The following FHIP1A variants were observed in gnomAD, a reference collection of about 807,000 sequenced individuals.
The protein encoded by FHIP1A is FHF complex subunit HOOK interacting protein 1A, also known as FHF complex subunit HOOK-interacting protein 1A.
FHIP1A carries 61 observed loss-of-function variants against 88.6 expected under a neutral mutation model. The observed-to-expected ratio is 0.69, with a 90% CI of 0.56 to 0.85. The LOEUF is 0.85. FHIP1A is among the 40% of genes least tolerant of loss of function. FHIP1A has a pLI of 0.00. For synonymous variants in FHIP1A, 478 were observed against 496.0 expected, an observed-to-expected ratio of 0.96 and a Z score of 0.48; for missense variants, 1,154 against 1,273.5, an observed-to-expected ratio of 0.91 and a Z score of 1.43.
intron 3 of FHIP1A, among the ~76,000 whole-genome samples, chr4:151,506,904 C>T (rs1374538315): frequency 6.6e-6 from 1 of 152,168 alleles, no homozygotes; most frequent in Non-Finnish European, 1.5e-5. Context: ...AATTTATTTA[C>T]AAACAACTTT....
chr4:151,445,242 G>T (rs1386061856), intron 1 of FHIP1A, among the ~76,000 whole-genome samples: 1 of 152,052 alleles, frequency 6.6e-6, no homozygotes, highest in Non-Finnish European at 1.5e-5. Flanking sequence ...GATAAATAGG[G>T]TGAGGTCTAG....
intron 3 of FHIP1A, among the ~76,000 whole-genome samples, chr4:151,561,825 A>T (rs1460611813): frequency 2.0e-5 from 3 of 152,132 alleles, no homozygotes; most frequent in Non-Finnish European, 4.4e-5. Flanking sequence ...CTTAAGTCAA[A>T]TATGCCTTAG....
intron 3 of FHIP1A, among the ~76,000 whole-genome samples, chr4:151,495,876 G>A (rs916479927): frequency 1.3e-5 from 2 of 151,974 alleles, no homozygotes; most frequent in African/African-American, 2.4e-5. Flanking sequence ...TCCCGCATTG[G>A]CCACCCAAAG....
chr4:151,588,805 T>G (rs1734314741), intron 6 of FHIP1A, 35 bp from the exon 7 acceptor site: 1 of 1,296,924 alleles, frequency 7.7e-7, no homozygotes, highest in African/African-American at 1.5e-5. Flanking sequence ...GATTGAACTC[T>G]TTGCCTTTTT....
intron 5 of FHIP1A, among the ~76,000 whole-genome samples, chr4:151,585,285 C>T (rs145645174): frequency 1.3e-5 from 2 of 152,158 alleles, no homozygotes; most frequent in Non-Finnish European, 2.9e-5. Flanking sequence ...TCAAGGGATT[C>T]TCTTTTGCCT....
chr4:151,472,008 C>T (rs1380679838), intron 2 of FHIP1A, among the ~76,000 whole-genome samples: 2 of 152,048 alleles, frequency 1.3e-5, no homozygotes, highest in Non-Finnish European at 2.9e-5. Context: ...TCTTTATCTT[C>T]TCATTGATCG....
Position 151,608,148 on chromosome 4 carries a change from G to A in FHIP1A, c.978+19222G>A, listed in dbSNP as rs541505585. Among the ~76,000 whole-genome samples, 8 of 141,514 alleles carry A rather than the reference G, an allele frequency of 5.7e-5. No individual in the cohort carries two copies. The East Asian group carries it at 1.3e-3, about 24-fold the overall frequency. 92.8% of individuals were successfully genotyped at this position (141,514 alleles called of 152,430 possible). A position where few individuals can be genotyped will look rare whatever the true frequency, so the allele number is the denominator to read the frequency against. On this transcript the variant is annotated intron_variant, in intron 7 of 13. Transcript: ENST00000435205. Reference sequence around the variant, plus strand: ...CAACCTCTGCCTCCCAGATTCAAGCGATTCTCCTGCCTCAGCCTCCCAAGT... The same window carrying A: ...CAACCTCTGCCTCCCAGATTCAAGCAATTCTCCTGCCTCAGCCTCCCAAGT...
chr4:151,411,724 T>C (rs535287883), intron 1 of FHIP1A, among the ~76,000 whole-genome samples: 1 of 152,322 alleles, frequency 6.6e-6, no homozygotes, highest in Non-Finnish European at 1.5e-5. Context: ...AAAATTGCTT[T>C]ATTTAATCTG....
chr4:151,572,082 C>T (rs1733623200), intron 4 of FHIP1A, among the ~76,000 whole-genome samples: 1 of 152,210 alleles, frequency 6.6e-6, no homozygotes, highest in Non-Finnish European at 1.5e-5. Flanking sequence ...TGGCACATGC[C>T]TGTAATCCCA....
intron 7 of FHIP1A, among the ~76,000 whole-genome samples, chr4:151,623,738 G>A (rs1735841237): frequency 6.6e-6 from 1 of 152,108 alleles, no homozygotes; most frequent in Admixed American, 6.5e-5. Flanking sequence ...GGTTATAAAG[G>A]TAATAAATGT....
chr4:151,523,627 G>A (rs1490597607), intron 3 of FHIP1A, among the ~76,000 whole-genome samples: 1 of 152,172 alleles, frequency 6.6e-6, no homozygotes, highest in Non-Finnish European at 1.5e-5. Flanking sequence ...TGTGAGCAAA[G>A]CAGATATGGT....
At chr4:151,516,673 T>G (rs1307851659) in intron 3 of FHIP1A, among the ~76,000 whole-genome samples, 1 of 152,182 alleles carries the variant, frequency 6.6e-6, no homozygotes, top group Non-Finnish European at 1.5e-5. Context: ...AAAGAAGACA[T>G]TTATGCAGCC....
chr4:151,600,798 G>A (rs981659737), intron 7 of FHIP1A, among the ~76,000 whole-genome samples: 7 of 152,174 alleles, frequency 4.6e-5, no homozygotes, highest in Admixed American at 6.5e-5. Context: ...TCCGGTAATT[G>A]GATTCCTGTA....
chr4:151,469,049 G>GGTCA (rs1222968347), intron 2 of FHIP1A, among the ~76,000 whole-genome samples: 2 of 152,082 alleles, frequency 1.3e-5, no homozygotes, highest in African/African-American at 4.8e-5. Flanking sequence ...GTGAGTGGAA[G>GGTCA]GTCAGTAGTC....
chr4:151,501,893 A>G (rs1352422260), intron 3 of FHIP1A, among the ~76,000 whole-genome samples: 1 of 151,722 alleles, frequency 6.6e-6, no homozygotes, highest in Non-Finnish European at 1.5e-5. Flanking sequence ...AAAGAAACAC[A>G]AAAGTATGGC....
At chr4:151,513,630 A>G (rs1041791665) in intron 3 of FHIP1A, among the ~76,000 whole-genome samples, 3 of 151,998 alleles carry the variant, frequency 2.0e-5, no homozygotes, top group Non-Finnish European at 2.9e-5. Context: ...AATGGAAAAC[A>G]AAAAAAGGCA....
intron 2 of FHIP1A, among the ~76,000 whole-genome samples, chr4:151,482,114 T>G (rs1211535356): frequency 6.6e-6 from 1 of 152,168 alleles, no homozygotes; most frequent in Non-Finnish European, 1.5e-5. Context: ...GTACATTTTT[T>G]GAAATTGTTT....
At chr4:151,506,900 T>C (rs1730855342) in intron 3 of FHIP1A, among the ~76,000 whole-genome samples, 1 of 152,216 alleles carries the variant, frequency 6.6e-6, no homozygotes, top group African/African-American at 2.4e-5. Flanking sequence ...TTTAAATTTA[T>C]TTACAAACAA....
At chr4:151,655,759 G>A (rs1055912380) in intron 11 of FHIP1A, among the ~76,000 whole-genome samples, 3 of 151,990 alleles carry the variant, frequency 2.0e-5, no homozygotes, top group Non-Finnish European at 4.4e-5. Context: ...TGCGTTTTTG[G>A]TGTTCTTTAC....
Sources: gnomAD v4.1 joint callset for allele counts (sites outside exome capture counted in the v4.1 genomes callset) on GRCh38, gnomAD v4.1.1 for gene constraint, MANE v1.5 for transcripts, NCBI Gene and HGNC (gene_info 2026-07-23, HGNC 2026-07-21) for gene names.